The following HRH1 variants were observed in gnomAD, a reference collection of about 807,000 sequenced individuals.
HRH1 encodes the protein histamine H1 receptor.
In HRH1, 6 loss-of-function variants were observed where a neutral mutation model predicts 10.3. That is an observed-to-expected ratio of 0.58 (90% CI 0.32 to 1.15). HRH1 has a LOEUF of 1.15. Among genes scored for constraint, HRH1 ranks in the 50% most tolerant of loss-of-function variants. The pLI is 0.05. For missense variants in HRH1, 514 were observed against 615.3 expected (o/e 0.84, Z 1.74); for synonymous variants, 242 against 236.7 (o/e 1.02, Z -0.21).
At chr3:11,236,125 A>T (rs144119155) in intron 1 of HRH1, among the ~76,000 whole-genome samples, 1 of 152,222 alleles carries the variant, frequency 6.6e-6, no homozygotes, top group Non-Finnish European at 1.5e-5. Flanking sequence ...CCTCTACTCA[A>T]TCTTCCTGAA....
upstream of HRH1, among the ~76,000 whole-genome samples, chr3:11,151,747 C>T (rs1412758104): frequency 6.6e-6 from 1 of 152,130 alleles, no homozygotes; most frequent in African/African-American, 2.4e-5. Flanking sequence ...GTGATCCTCC[C>T]ACCTTGGCCT....
chr3:11,221,187 G>A (rs912608323), intron 1 of HRH1, among the ~76,000 whole-genome samples: 10 of 152,146 alleles, frequency 6.6e-5, no homozygotes, highest in African/African-American at 2.4e-4. Context: ...TTTAATGTTA[G>A]ACCTTGTCAA....
upstream of HRH1, among the ~76,000 whole-genome samples, chr3:11,153,632 G>A (rs1330284332): frequency 2.0e-5 from 3 of 152,006 alleles, no homozygotes; most frequent in East Asian, 5.8e-4. Context: ...GAGTTTTCCC[G>A]GCGCTGAGAA....
intron 1 of HRH1, among the ~76,000 whole-genome samples, chr3:11,147,921 C>T (rs1284746073): frequency 1.3e-5 from 2 of 152,118 alleles, no homozygotes; most frequent in East Asian, 3.9e-4. Flanking sequence ...GTGGCTCACG[C>T]CTGTAATCCC....
At chr3:11,212,413 G>A (rs1559273080) in intron 1 of HRH1, among the ~76,000 whole-genome samples, 1 of 152,078 alleles carries the variant, frequency 6.6e-6, no homozygotes, top group Non-Finnish European at 1.5e-5. Context: ...CCTCTTGTTA[G>A]CAAAGGACAT....
intron 1 of HRH1, among the ~76,000 whole-genome samples, chr3:11,138,379 A>T: frequency 6.6e-6 from 1 of 152,120 alleles, no homozygotes; most frequent in Non-Finnish European, 1.5e-5. Flanking sequence ...CAGCCAAAAA[A>T]TGGGTAAAGG....
At chr3:11,190,625 TCAGA>T (rs1490986299) in intron 1 of HRH1, among the ~76,000 whole-genome samples, 1 of 151,906 alleles carries the variant, frequency 6.6e-6, no homozygotes, top group Non-Finnish European at 1.5e-5. Context: ...ACTCCTGAGC[TCAGA>T]CAATCTGCCC....
At chr3:11,148,437 A>G (rs1936512167) in intron 1 of HRH1, among the ~76,000 whole-genome samples, 1 of 152,178 alleles carries the variant, frequency 6.6e-6, no homozygotes, top group South Asian at 2.1e-4. Context: ...TGTCTTTATC[A>G]TGTAAAAAAA....
intron 1 of HRH1, among the ~76,000 whole-genome samples, chr3:11,148,563 C>T (rs1026846869): frequency 3.3e-5 from 5 of 151,922 alleles, no homozygotes; most frequent in South Asian, 2.1e-4. Flanking sequence ...CAAGGTGACA[C>T]GAATGTGACT....
chr3:11,156,607 C>T (rs1196017486), intron 1 of HRH1, among the ~76,000 whole-genome samples: 1 of 152,166 alleles, frequency 6.6e-6, no homozygotes, highest in Non-Finnish European at 1.5e-5. Context: ...AGTTTTGTGG[C>T]CTTGGTCAAG....
At chr3:11,151,631 G>A (rs897931890), upstream of HRH1, among the ~76,000 whole-genome samples, 22 of 152,044 alleles carry the variant, frequency 1.4e-4, no homozygotes, top group African/African-American at 5.3e-4. Context: ...CTGAGTAGCT[G>A]GGACTACAGG....
chr3:11,174,472 T>C (rs1409018154), intron 1 of HRH1, among the ~76,000 whole-genome samples: 1 of 152,196 alleles, frequency 6.6e-6, no homozygotes, highest in Non-Finnish European at 1.5e-5. Context: ...GGTCTCTGAA[T>C]GCAGGGACCC....
intron 1 of HRH1, among the ~76,000 whole-genome samples, chr3:11,170,132 C>T (rs146515918): frequency 4.2e-4 from 64 of 152,262 alleles, no homozygotes; most frequent in South Asian, 2.9e-3. Context: ...GACAGGTGAA[C>T]GACCCCTCTG....
Position 11,260,113 on chromosome 3 carries a change from C to T in HRH1, c.1076C>T (p.Ser359Phe), listed in dbSNP as rs1297807293. 3.7e-6 allele frequency: 6 copies of T among 1,614,096 alleles called. No homozygotes were observed. In the South Asian group the frequency reaches 4.4e-5, roughly 12 times the overall value. Residue 359 changes from serine to phenylalanine, a missense_variant, in exon 2 of 2, where the codon TCT becomes TTT. Transcript: ENST00000431010. ...DQMLGDSQSF[S>F]RTDSDTTTET... ...ATGTTAGGTGATAGCCAATCCTTCT[C>T]TCGAACGGACTCAGATACCACCACA...
Position 11,201,674 on chromosome 3 carries a change from A to G in HRH1, c.-36+47120A>G, listed in dbSNP as rs551256939. Among the ~76,000 whole-genome samples, 10 of 152,314 alleles carry G rather than the reference A, an allele frequency of 6.6e-5. No individual in the cohort carries two copies. The South Asian group carries it at 2.1e-3, about 32-fold the overall frequency. On this transcript the variant is annotated intron_variant, in intron 1 of 1. Coordinates refer to ENST00000431010, the MANE Select transcript of HRH1 (RefSeq NM_001098212.2). ...GACTAGTCGGAGAAGGGCTGTCTGA[A>G]AATTCCAGGTGTCACCAGGGCTGTT... is the stretch of plus-strand genomic sequence containing the variant.
chr3:11,260,602 T>C lies in HRH1; in HGVS notation c.*101T>C. 8.7e-7 allele frequency: 1 copy of C among 1,150,352 alleles called. No individual in the cohort carries two copies. The highest frequency in any genetic ancestry group is 1.2e-6 in the Non-Finnish European group (1 of 800,578). 71.3% of individuals were successfully genotyped at this position (1,150,352 alleles called of 1,614,324 possible). The stretch of plus-strand genomic sequence containing the variant: ...TTGCCAGGCAGGCACCTGGGCTTTC[T>C]GGAATCCAAACCACAGTCTTAGGGG... On this transcript the variant is annotated 3_prime_UTR_variant, in exon 2 of 2. Transcript: ENST00000431010.
intron 1 of HRH1, among the ~76,000 whole-genome samples, chr3:11,202,404 CAATAAATA>C (rs60116753): frequency 7.1e-6 from 1 of 140,620 alleles, no homozygotes; most frequent in African/African-American, 2.7e-5. Context: ...GACTCCATCT[CAATAAATA>C]AATAAATAAA....
At chr3:11,212,874 C>T (rs1388400994) in intron 1 of HRH1, among the ~76,000 whole-genome samples, 1 of 152,208 alleles carries the variant, frequency 6.6e-6, no homozygotes, top group African/African-American at 2.4e-5. Context: ...CCCTCACTCA[C>T]TCAGCTCCAG....
chr3:11,233,343 T>C lies in HRH1; in HGVS notation c.-35-25660T>C, dbSNP rs188263808. Among the ~76,000 whole-genome samples, 55 of 152,356 alleles carry C rather than the reference T, an allele frequency of 3.6e-4. No homozygotes were observed. The East Asian group carries it at 0.011, about 29-fold the overall frequency. On this transcript the variant is annotated intron_variant, in intron 1 of 1. Coordinates refer to ENST00000431010, the MANE Select transcript of HRH1 (RefSeq NM_001098212.2). ...TCAGATTTGGGAATTTCTATTGTTTTATCTTCCAGTTCACTGATTCTTTCC... is the reference window on the plus strand; with the variant it reads ...TCAGATTTGGGAATTTCTATTGTTTCATCTTCCAGTTCACTGATTCTTTCC...
Sources: allele counts gnomAD v4.1 joint callset (sites outside exome capture counted in the v4.1 genomes callset), GRCh38; gene constraint gnomAD v4.1.1; transcripts MANE v1.5; gene names NCBI Gene and HGNC (gene_info 2026-07-23, HGNC 2026-07-21).